FER: variants seen among roughly 807,000 people sequenced by gnomAD.
FER encodes the protein FER tyrosine kinase.
FER carries 63 observed loss-of-function variants against 111.0 expected under a neutral mutation model. The ratio of observed to expected loss-of-function variants is 0.57; its 90% confidence interval spans 0.46 to 0.70. The LOEUF (loss-of-function observed/expected upper bound fraction) is 0.70, where lower values mean the gene tolerates loss of function less well. Among genes scored for constraint, FER ranks in the 30% least tolerant of loss-of-function variants. The probability of loss-of-function intolerance (pLI) is 0.00; values close to 1 mark genes in which losing one functional copy is unlikely to be tolerated. For synonymous variants in FER, 327 were observed against 313.9 expected, an observed-to-expected ratio of 1.04 and a Z score of -0.44; for missense variants, 914 against 954.0, an observed-to-expected ratio of 0.96 and a Z score of 0.55.
chr5:108,935,163 T>G (rs1467589578), intron 10 of FER, among the ~76,000 whole-genome samples: 1 of 152,096 alleles, frequency 6.6e-6, no homozygotes, highest in South Asian at 2.1e-4. Context: ...ATTTGGTGGC[T>G]GAAAACAACA....
At chr5:109,119,214 G>C (rs1201056777) in intron 17 of FER, among the ~76,000 whole-genome samples, 3 of 152,072 alleles carry the variant, frequency 2.0e-5, no homozygotes, top group African/African-American at 7.2e-5. Context: ...TTGTGTGTTT[G>C]TTCTCATTGG....
At chr5:108,912,642 G>T (rs1361486303) in intron 10 of FER, among the ~76,000 whole-genome samples, 1 of 152,140 alleles carries the variant, frequency 6.6e-6, no homozygotes, top group Non-Finnish European at 1.5e-5. Flanking sequence ...ATTGACTACA[G>T]GTGTGAGCCA....
intron 17 of FER, among the ~76,000 whole-genome samples, chr5:109,102,559 T>A (rs945496422): frequency 6.6e-6 from 1 of 152,232 alleles, no homozygotes; most frequent in African/African-American, 2.4e-5. Flanking sequence ...ATCTTCTTTT[T>A]GTTTTTATTC....
At chr5:109,033,763 A>C (rs1323028096) in intron 13 of FER, among the ~76,000 whole-genome samples, 7 of 152,138 alleles carry the variant, frequency 4.6e-5, no homozygotes, top group African/African-American at 1.7e-4. Flanking sequence ...TTCTGATCAA[A>C]ATAGTCACTG....
At chr5:108,925,661 A>C (rs1286542130) in intron 10 of FER, among the ~76,000 whole-genome samples, 4 of 152,110 alleles carry the variant, frequency 2.6e-5, no homozygotes, top group Non-Finnish European at 5.9e-5. Context: ...CAATGCCAAA[A>C]AAGTTTATGT....
intron 17 of FER, among the ~76,000 whole-genome samples, chr5:109,161,722 G>A (rs866301377): frequency 6.6e-6 from 1 of 151,988 alleles, no homozygotes; most frequent in Non-Finnish European, 1.5e-5. Flanking sequence ...GTGTATTTAT[G>A]GTAGAACGAT....
intron 13 of FER, among the ~76,000 whole-genome samples, chr5:108,978,305 T>A (rs1761631513): frequency 6.6e-6 from 1 of 152,224 alleles, no homozygotes; most frequent in Admixed American, 6.5e-5. Flanking sequence ...CTTTATAGAT[T>A]TTTTCAGTTT....
intron 13 of FER, among the ~76,000 whole-genome samples, chr5:108,972,927 G>A (rs978308356): frequency 3.9e-5 from 6 of 152,064 alleles, no homozygotes; most frequent in Non-Finnish European, 8.8e-5. Context: ...TTTCCATGTA[G>A]TTACAGTGCT....
intron 14 of FER, among the ~76,000 whole-genome samples, chr5:109,043,655 C>G (rs1315225850): frequency 6.6e-6 from 1 of 152,082 alleles, no homozygotes; most frequent in Non-Finnish European, 1.5e-5. Context: ...TCTTGCTCAA[C>G]AATAGCATTA....
At chr5:109,103,912 T>C (rs1445557902) in intron 17 of FER, among the ~76,000 whole-genome samples, 2 of 152,238 alleles carry the variant, frequency 1.3e-5, no homozygotes, top group Non-Finnish European at 2.9e-5. Context: ...GGTTTATTTC[T>C]AAAAGTTGGC....
chr5:108,763,966 G>T (rs1479594789), intron 1 of FER, among the ~76,000 whole-genome samples: 2 of 152,116 alleles, frequency 1.3e-5, no homozygotes, highest in Non-Finnish European at 2.9e-5. Context: ...TTTCCTTCCT[G>T]ATTAGCTTCT....
At chr5:108,980,462 C>T (rs770178351) in intron 13 of FER, among the ~76,000 whole-genome samples, 1 of 152,026 alleles carries the variant, frequency 6.6e-6, no homozygotes. Context: ...TTGATAAACT[C>T]CTGTAATTGT....
In FER at chr5:108,776,196, A is replaced by G. The variant is rs183139869; in HGVS notation, c.-60+7958A>G. Among the ~76,000 whole-genome samples the G allele has an allele frequency of 7.6e-3, 1,153 of 152,290 alleles. 9 individuals carry two copies. Among genetic ancestry groups the G allele is most frequent in the Non-Finnish European group, 9.9e-3 (670 of 67,994 alleles). On this transcript the variant is annotated intron_variant, in intron 2 of 19. Coordinates refer to ENST00000281092, the MANE Select transcript of FER (RefSeq NM_005246.4). ...ATTTCCTTCTAGTTAATAAGAATAT[A>G]TGTTGGGGGAAGAATGAAGGATTTC...
At chr5:108,929,261 T>C (rs1754225634) in intron 10 of FER, among the ~76,000 whole-genome samples, 1 of 152,174 alleles carries the variant, frequency 6.6e-6, no homozygotes, top group Admixed American at 6.5e-5. Flanking sequence ...AGTCTCTCTT[T>C]GCCAATCATT....
At chr5:108,891,325 A>G (rs1015084898) in intron 9 of FER, 2 of 151,986 alleles carry the variant, frequency 1.3e-5, no homozygotes, top group Non-Finnish European at 2.9e-5. Flanking sequence ...TCTTTGACAC[A>G]TATGTCATTT....
chr5:108,977,279 T>C (rs1761478010), intron 13 of FER, among the ~76,000 whole-genome samples: 1 of 152,232 alleles, frequency 6.6e-6, no homozygotes, highest in African/African-American at 2.4e-5. Context: ...TTCTGATAAA[T>C]TTTAACTTTT....
intron 10 of FER, among the ~76,000 whole-genome samples, chr5:108,902,413 G>C (rs1044992379): frequency 6.6e-6 from 1 of 152,180 alleles, no homozygotes; most frequent in Non-Finnish European, 1.5e-5. Flanking sequence ...CCATTAGTTT[G>C]TGGGATGTTA....
intron 13 of FER, among the ~76,000 whole-genome samples, chr5:109,008,158 G>A (rs562017442): frequency 1.3e-5 from 2 of 152,230 alleles, no homozygotes; most frequent in Non-Finnish European, 2.9e-5. Flanking sequence ...GAAATAAAGT[G>A]TATCTCTCTT....
intron 17 of FER, among the ~76,000 whole-genome samples, chr5:109,101,993 T>C (rs1253311134): frequency 6.6e-6 from 1 of 152,158 alleles, no homozygotes; most frequent in Non-Finnish European, 1.5e-5. Flanking sequence ...TCAGTTACCA[T>C]GACTCTTCTT....
Sources: allele counts gnomAD v4.1 joint callset (sites outside exome capture counted in the v4.1 genomes callset), GRCh38; gene constraint gnomAD v4.1.1; transcripts MANE v1.5; gene names NCBI Gene and HGNC (gene_info 2026-07-23, HGNC 2026-07-21).